The following KDELR2 variants were observed in gnomAD, a reference collection of about 807,000 sequenced individuals.
KDELR2 encodes ER lumen protein-retaining receptor 2.
A neutral mutation model predicts 23.9 loss-of-function variants in KDELR2; 15 were observed. The ratio of observed to expected loss-of-function variants is 0.63; its 90% CI spans 0.42 to 0.97. KDELR2 has a LOEUF of 0.97. Ranked by LOEUF, KDELR2 falls within the 50% of genes least tolerant of loss-of-function variation. The probability of loss-of-function intolerance (pLI) is 0.00; values close to 1 mark genes in which losing one functional copy is unlikely to be tolerated. For missense variants in KDELR2, 272 were observed against 254.6 expected (o/e 1.07, Z -0.46); for synonymous variants, 119 against 106.2 (o/e 1.12, Z -0.74).
chr7:6,469,316 C>G lies in KDELR2; in HGVS notation c.351+280G>C, dbSNP rs189845308. On this transcript the variant is annotated intron_variant, in intron 3 of 4. Transcript: ENST00000258739. ...TGTCACCCAGGCTGGAGTACAATGG[C>G]GTGATCTCGGCTCACTGCAGCCTCC... 1.7e-3 allele frequency among the ~76,000 whole-genome samples: 261 copies of G among 152,162 alleles called. 4 individuals are homozygous for G. The East Asian group carries it at 0.029, about 17-fold the overall frequency.
chr7:6,472,458 T>C (rs1168497029), intron 2 of KDELR2, among the ~76,000 whole-genome samples: 1 of 152,200 alleles, frequency 6.6e-6, no homozygotes, highest in Non-Finnish European at 1.5e-5. Flanking sequence ...TGGATTCCTC[T>C]GAAACCTGGG....
intron 1 of KDELR2, among the ~76,000 whole-genome samples, chr7:6,480,338 T>A (rs1478159956): frequency 6.6e-6 from 1 of 152,190 alleles, no homozygotes; most frequent in Non-Finnish European, 1.5e-5. Context: ...TAGGTCAGTG[T>A]TTAGGACAAA....
intron 1 of KDELR2, among the ~76,000 whole-genome samples, chr7:6,476,105 C>T (rs1785746453): frequency 6.6e-6 from 1 of 152,064 alleles, no homozygotes; most frequent in South Asian, 2.1e-4. Flanking sequence ...TGTTGTTTTT[C>T]AATATTTTAT....
chr7:6,470,771 C>G (rs536986196), intron 2 of KDELR2, among the ~76,000 whole-genome samples: 93 of 152,142 alleles, frequency 6.1e-4, no homozygotes, highest in Admixed American at 1.9e-3. Flanking sequence ...ACGGATTCAC[C>G]AAAAACTGGA....
chr7:6,464,008 C>T (rs1785443354), intron 4 of KDELR2, among the ~76,000 whole-genome samples: 1 of 122,930 alleles, frequency 8.1e-6, no homozygotes, highest in Non-Finnish European at 1.9e-5. Context: ...ACCAGCCTGA[C>T]CAACATAGAG....
Position 6,477,171 on chromosome 7 carries a change from G to A in KDELR2, c.92-2887C>T, listed in dbSNP as rs189807948. 1.5e-3 allele frequency among the ~76,000 whole-genome samples: 233 copies of A among 152,348 alleles called. 1 individual carries two copies. The highest frequency in any genetic ancestry group is 5.0e-3 in the African/African-American group (209 of 41,586). ...TAGAGGGTGAGAGAGCCCCAGGTGC[G>A]CACAGGGCAGTGTGTGGTTTGAAGC... On this transcript the variant is annotated intron_variant, in intron 1 of 4. Coordinates refer to ENST00000258739, the MANE Select transcript of KDELR2 (RefSeq NM_006854.4).
intron 2 of KDELR2, among the ~76,000 whole-genome samples, chr7:6,471,506 G>A (rs1785641187): frequency 6.6e-6 from 1 of 152,080 alleles, no homozygotes; most frequent in Admixed American, 6.6e-5. Flanking sequence ...TTAAAAGTCT[G>A]GTGGTGTTTT....
intron 1 of KDELR2, among the ~76,000 whole-genome samples, chr7:6,481,385 G>GA (rs1260542811): frequency 7.9e-4 from 111 of 140,060 alleles, no homozygotes; most frequent in Non-Finnish European, 1.5e-3. Flanking sequence ...AAAAAAGAAA[G>GA]AAAAAAAAAT....
chr7:6,474,030 T>C (rs1785705887), intron 2 of KDELR2, 154 bp downstream of exon 2: 1 of 566,692 alleles, frequency 1.8e-6, no homozygotes, highest in South Asian at 2.5e-5. Context: ...CAGTTATATA[T>C]ACAAGGTGGT....
At chr7:6,471,154 T>C (rs1473617104) in intron 2 of KDELR2, among the ~76,000 whole-genome samples, 2 of 144,444 alleles carry the variant, frequency 1.4e-5, no homozygotes, top group African/African-American at 5.1e-5. Flanking sequence ...AATAAATAAA[T>C]GTATAGCTCA....
chr7:6,469,322 C>A (rs1785576149), intron 3 of KDELR2, among the ~76,000 whole-genome samples: 1 of 152,116 alleles, frequency 6.6e-6, no homozygotes, highest in African/African-American at 2.4e-5. Flanking sequence ...ATGGCGTGAT[C>A]TCGGCTCACT....
intron 1 of KDELR2, chr7:6,482,363 T>C (rs1338194516): frequency 3.5e-6 from 1 of 281,704 alleles, no homozygotes; most frequent in Admixed American, 4.8e-5. Context: ...GACTACTTGA[T>C]ATACAGCAAG....
chr7:6,480,541 C>T (rs1392280343), intron 1 of KDELR2, among the ~76,000 whole-genome samples: 3 of 152,202 alleles, frequency 2.0e-5, no homozygotes, highest in African/African-American at 7.2e-5. Flanking sequence ...GTTCTGGAAT[C>T]TGCCTATGAG....
At chr7:6,470,960 AC>A (rs1468793443) in intron 2 of KDELR2, among the ~76,000 whole-genome samples, 1 of 151,526 alleles carries the variant, frequency 6.6e-6, no homozygotes, top group Non-Finnish European at 1.5e-5. Context: ...TAAAAAAAAT[AC>A]AAAAAATTAG....
chr7:6,466,352 C>T (rs199691648), intron 3 of KDELR2, 29 bp from the exon 4 acceptor site: 116 of 1,607,024 alleles, frequency 7.2e-5, no homozygotes, highest in Admixed American at 4.2e-4. Flanking sequence ...GCTTCCATCA[C>T]GACCCACTGC....
Position 6,469,633 on chromosome 7 carries a change from A to T in KDELR2, c.314T>A (p.Leu105His). ...GAAATCGTGATTAACTAAAAATGAG[A>T]GGCCTCCCACAGGGACCACCAGAAA... ...VEFLVVPVGG[L>H]SFLVNHDFSP... Residue 105 changes from leucine to histidine, a missense_variant, in exon 3 of 5, where the codon CTC (leucine) becomes CAC (histidine). Coordinates refer to ENST00000258739, the MANE Select transcript of KDELR2 (RefSeq NM_006854.4). The T allele has an allele frequency of 6.2e-7, 1 of 1,613,942 alleles. No individual in the cohort carries two copies. Among genetic ancestry groups the T allele is most frequent in the Admixed American group, 1.7e-5 (1 of 59,964 alleles).
At chr7:6,483,935 C>A (rs1370687100) in intron 1 of KDELR2, 32 bp downstream of exon 1, 1 of 1,459,340 alleles carries the variant, frequency 6.9e-7, no homozygotes, top group Non-Finnish European at 9.1e-7. Flanking sequence ...CCCCCACGCC[C>A]GAGCCTCTCC....
At position 6,466,671 on chromosome 7, in the gene KDELR2, C is replaced by G. The variant is rs570947080; in HGVS notation, c.352-348G>C. 5.9e-5 allele frequency among the ~76,000 whole-genome samples: 9 copies of G among 151,598 alleles called. No homozygotes were observed. The South Asian group carries it at 1.9e-3, about 32-fold the overall frequency. On this transcript the variant is annotated intron_variant, in intron 3 of 4. Transcript: ENST00000258739. ...GTCATAATGCAGAATCAGTAGGAGCCCTGAGCTTGTTTTCCTGCAACTAGA... is the reference window on the plus strand; with the variant it reads ...GTCATAATGCAGAATCAGTAGGAGCGCTGAGCTTGTTTTCCTGCAACTAGA...
In KDELR2 at chr7:6,468,495, A is replaced by C. The variant is rs560124916; in HGVS notation, c.351+1101T>G. Among the ~76,000 whole-genome samples, 12 of 150,396 alleles carry C rather than the reference A, an allele frequency of 8.0e-5. 1 individual carries two copies. In the South Asian group the frequency reaches 2.1e-3, roughly 27 times the overall value. On this transcript the variant is annotated intron_variant, in intron 3 of 4. Coordinates refer to ENST00000258739, the MANE Select transcript of KDELR2 (RefSeq NM_006854.4). ...AGGCGTGCGATACCACACCCAGCTA[A>C]TTTTTGATTTTCTTTCTTCTTTTTT...
Sources: allele counts gnomAD v4.1 joint callset (sites outside exome capture counted in the v4.1 genomes callset), GRCh38; gene constraint gnomAD v4.1.1; transcripts MANE v1.5; gene names NCBI Gene and HGNC (gene_info 2026-07-23, HGNC 2026-07-21).